USP53: variants seen among roughly 807,000 people sequenced by gnomAD.
USP53 encodes ubiquitin specific peptidase 53, also known as ubiquitin carboxyl-terminal hydrolase 53.
In USP53, 71 loss-of-function variants were observed where a neutral mutation model predicts 94.9. The observed-to-expected ratio is 0.75, with a 90% CI of 0.62 to 0.91. The LOEUF is 0.91. USP53 is among the 40% of genes least tolerant of loss of function. The probability of loss-of-function intolerance (pLI) is 0.00; values close to 1 mark genes in which losing one functional copy is unlikely to be tolerated. For synonymous variants in USP53, 375 were observed against 422.7 expected, an observed-to-expected ratio of 0.89 and a Z score of 1.39; for missense variants, 1,173 against 1,281.0, an observed-to-expected ratio of 0.92 and a Z score of 1.29.
At position 119,213,637 on chromosome 4, in the gene USP53, A is replaced by AATATATATATATAT. The variant is rs1178984967; in HGVS notation, c.-941-430_-941-429insTATATATATATATA. On this transcript the variant is annotated intron_variant, in intron 1 of 18. Coordinates refer to ENST00000692078, the MANE Select transcript of USP53 (RefSeq NM_001371395.1). The stretch of plus-strand genomic sequence containing the variant: ...TTTTCCGAAAGTTTCCTTATCTGGA[A>AATATATATATATAT]ATAGATATATATATATATATATATG... 9.8e-5 allele frequency among the ~76,000 whole-genome samples: 4 copies of AATATATATATATAT among 40,668 alleles called. 1 individual carries two copies. The highest frequency in any genetic ancestry group is 4.0e-4 in the African/African-American group (3 of 7,462). The allele number at this position is 40,668 out of a possible 152,430, so 26.7% of individuals were successfully genotyped here. A position where few individuals can be genotyped will look rare whatever the true frequency, so the allele number is the denominator to read the frequency against.
chr4:119,251,770 T>C (rs557428376), intron 7 of USP53, among the ~76,000 whole-genome samples: 7 of 152,294 alleles, frequency 4.6e-5, no homozygotes, highest in Non-Finnish European at 8.8e-5. Context: ...CAATACTATG[T>C]TGAGTAGGAG....
chr4:119,228,865 T>C (rs1745675066), intron 3 of USP53, among the ~76,000 whole-genome samples: 3 of 152,212 alleles, frequency 2.0e-5, no homozygotes, highest in Admixed American at 2.0e-4. Flanking sequence ...TGGATCTTAC[T>C]GAACAGAAAA....
intron 4 of USP53, among the ~76,000 whole-genome samples, chr4:119,236,930 A>T (rs1253749431): frequency 6.6e-6 from 1 of 152,178 alleles, no homozygotes; most frequent in Non-Finnish European, 1.5e-5. Flanking sequence ...TACTTTGCCC[A>T]GTTCCATCAG....
At chr4:119,279,824 T>C (rs1345646881) in intron 17 of USP53, among the ~76,000 whole-genome samples, 1 of 152,206 alleles carries the variant, frequency 6.6e-6, no homozygotes, top group Non-Finnish European at 1.5e-5. Flanking sequence ...TTTAAGCCGG[T>C]CCGAAAAGCG....
At chr4:119,278,291 G>C (rs1752936449) in intron 17 of USP53, among the ~76,000 whole-genome samples, 1 of 151,880 alleles carries the variant, frequency 6.6e-6, no homozygotes, top group African/African-American at 2.4e-5. Context: ...TTTAGGGCAG[G>C]CCTAGTGGTG....
rs931197887 is a variant in USP53, at chr4:119,261,766, G to A, written c.874G>A (p.Val292Ile). Residue 292 changes from valine (V) to isoleucine (I), a missense_variant, in exon 12 of 19, where the codon GTT (valine) becomes ATT (isoleucine). Val to Ile is a conservative substitution (Grantham distance 29, BLOSUM62 3). Transcript: ENST00000692078. Reference protein sequence around the residue: ...ENAKNSELNLVGMICYTSQHY... With the variant: ...ENAKNSELNLIGMICYTSQHY... Reference sequence around the variant, plus strand: ...TGCCAAAAATAGTGAACTTAACCTTGTTGGTATGATCTGCTACACCAGCCA... The same window carrying A: ...TGCCAAAAATAGTGAACTTAACCTTATTGGTATGATCTGCTACACCAGCCA... 2 of 1,558,524 alleles carry A rather than the reference G, an allele frequency of 1.3e-6. No individual in the cohort carries two copies. Among genetic ancestry groups the A allele is most frequent in the African/African-American group, 2.7e-5 (2 of 74,374 alleles).
At position 119,259,856 on chromosome 4, in the gene USP53, C is replaced by T; in HGVS notation, c.606C>T (p.Arg202=). 1 of 1,612,436 alleles carries T rather than the reference C, an allele frequency of 6.2e-7. No individual in the cohort carries two copies. Among genetic ancestry groups the T allele is most frequent in the Non-Finnish European group, 8.5e-7 (1 of 1,179,164 alleles). Residue 202 remains arginine, a synonymous_variant, in exon 10 of 19, where the codon CGC becomes CGT. Coordinates refer to ENST00000692078, the MANE Select transcript of USP53 (RefSeq NM_001371395.1). ...EVERMLERHE[R]FKPEMFAELL... ...AAAGAATGTTGGAAAGGCATGAACGCTTTAAACCTGAAATGTTTGCAGAAT... is the reference window on the plus strand; with the variant it reads ...AAAGAATGTTGGAAAGGCATGAACGTTTTAAACCTGAAATGTTTGCAGAAT...
In USP53 at chr4:119,239,338, A is replaced by G. The variant is rs905643902; in HGVS notation, c.-422A>G. ...AGGAAAACAAACAACCAAAGGAATC[A>G]TGCCAAATGCCAACTCTACATCTTT... On this transcript the variant is annotated 5_prime_UTR_variant, in exon 5 of 19. An upstream start codon of the reference 5' UTR is lost. Transcript: ENST00000692078. The G allele has an allele frequency of 6.1e-6, 1 of 163,414 alleles. No homozygotes were observed. Among genetic ancestry groups the G allele is most frequent in the African/African-American group, 2.4e-5 (1 of 41,992 alleles). 10.1% of individuals were successfully genotyped at this position (163,414 alleles called of 1,614,324 possible). A position where few individuals can be genotyped will look rare whatever the true frequency, so the allele number is the denominator to read the frequency against.
chr4:119,226,792 G>A (rs1745313736), intron 3 of USP53, among the ~76,000 whole-genome samples: 1 of 152,064 alleles, frequency 6.6e-6, no homozygotes, highest in African/African-American at 2.4e-5. Flanking sequence ...TAGTAGAATA[G>A]AGAGACCAGA....
chr4:119,279,085 CCTT>C (rs1374867778), intron 17 of USP53, among the ~76,000 whole-genome samples: 3 of 144,516 alleles, frequency 2.1e-5, no homozygotes, highest in South Asian at 4.6e-4. Context: ...TCGTCTGAAG[CCTT>C]CTTCTCTCAG....
intron 15 of USP53, 145 bp downstream of exon 15, chr4:119,269,982 A>G (rs1429710046): frequency 4.4e-6 from 1 of 225,174 alleles, no homozygotes; most frequent in Non-Finnish European, 8.3e-6. Flanking sequence ...ATATATACCT[A>G]TATCTAATAT....
chr4:119,225,607 G>A (rs1189122715), intron 3 of USP53, among the ~76,000 whole-genome samples: 9 of 152,028 alleles, frequency 5.9e-5, no homozygotes, highest in African/African-American at 1.2e-4. Flanking sequence ...TTAGCCGGGC[G>A]TGGTGGCGGG....
At chr4:119,262,114 C>T (rs1342872062) in intron 12 of USP53, among the ~76,000 whole-genome samples, 1 of 152,070 alleles carries the variant, frequency 6.6e-6, no homozygotes, top group East Asian at 1.9e-4. Context: ...TATTAGTATA[C>T]AAATATGTAA....
At position 119,293,226 on chromosome 4, in the gene USP53, A is replaced by G. The variant is rs1373108501; in HGVS notation, c.*15A>G. The G allele has an allele frequency of 6.4e-7, 1 of 1,560,136 alleles. No homozygotes were observed. ...CACTATCTTAGAGTGAAAAAGGACT[A>G]GACCTGTGTTACATAATAATCTTGG... On this transcript the variant is annotated 3_prime_UTR_variant, in exon 19 of 19. Transcript: ENST00000692078.
At chr4:119,215,469 A>G (rs1358979044) in intron 2 of USP53, among the ~76,000 whole-genome samples, 1 of 152,158 alleles carries the variant, frequency 6.6e-6, no homozygotes, top group Non-Finnish European at 1.5e-5. Context: ...AGTATATAGA[A>G]TATTTAGGCA....
chr4:119,224,866 G>A (rs560073827), intron 3 of USP53, among the ~76,000 whole-genome samples: 1 of 152,196 alleles, frequency 6.6e-6, no homozygotes, highest in Non-Finnish European at 1.5e-5. Flanking sequence ...TATTAGAAAA[G>A]AAGAAAGCTC....
intron 6 of USP53, among the ~76,000 whole-genome samples, chr4:119,246,694 T>C (rs1748288081): frequency 6.6e-6 from 1 of 152,180 alleles, no homozygotes; most frequent in Non-Finnish European, 1.5e-5. Context: ...TGGGGCATTG[T>C]TTTGAGTGGA....
intron 6 of USP53, among the ~76,000 whole-genome samples, 195 bp from the exon 7 acceptor site, chr4:119,248,553 T>C (rs1286881138): frequency 6.6e-6 from 1 of 152,072 alleles, no homozygotes; most frequent in Non-Finnish European, 1.5e-5. Context: ...TCTGCTAACA[T>C]TTGATTTAGA....
rs1747204765 is a variant in USP53, at chr4:119,239,279, AAG to A, written c.-473_-472del. ...TCACCTTTTATAACTTCACCTGGGA[AAG>A]AGAGAGAAAACTTTCTTGTTAAAAA... On this transcript the variant is annotated 5_prime_UTR_variant, in exon 5 of 19. An upstream open reading frame in the 5' UTR loses its in-frame stop. Coordinates refer to ENST00000692078, the MANE Select transcript of USP53 (RefSeq NM_001371395.1). 6.6e-6 allele frequency: 1 copy of A among 152,388 alleles called. No individual in the cohort carries two copies. Among genetic ancestry groups the A allele is most frequent in the African/African-American group, 2.4e-5 (1 of 41,448 alleles). 9.4% of individuals were successfully genotyped at this position (152,388 alleles called of 1,614,324 possible).
Sources: gnomAD v4.1 joint callset for allele counts (sites outside exome capture counted in the v4.1 genomes callset) on GRCh38, gnomAD v4.1.1 for gene constraint, MANE v1.5 for transcripts, NCBI Gene and HGNC (gene_info 2026-07-23, HGNC 2026-07-21) for gene names.